PTPRD: variants seen among roughly 807,000 people sequenced by gnomAD.
PTPRD encodes the protein protein tyrosine phosphatase receptor type D, also known as receptor-type tyrosine-protein phosphatase delta.
PTPRD carries 34 observed loss-of-function variants against 214.5 expected under a neutral mutation model. That is an observed-to-expected ratio of 0.16 (90% CI 0.12 to 0.21). The LOEUF is 0.21. Among genes scored for constraint, PTPRD ranks in the 10% least tolerant of loss-of-function variants. The pLI, the probability that PTPRD is intolerant of heterozygous loss-of-function variation, is 1.00. For synonymous variants in PTPRD, 1,128 were observed against 845.7 expected (o/e 1.33, Z -5.79); for missense variants, 2,545 against 2,398.7 (o/e 1.06, Z -1.27).
chr9:9,140,289 T>C (rs1287952028), intron 10 of PTPRD, among the ~76,000 whole-genome samples: 2 of 152,156 alleles, frequency 1.3e-5, no homozygotes, highest in Non-Finnish European at 2.9e-5. Flanking sequence ...ATAGATTACA[T>C]ACACCCCACC....
chr9:8,800,989 C>A (rs1023930938), intron 11 of PTPRD, among the ~76,000 whole-genome samples: 4 of 152,170 alleles, frequency 2.6e-5, no homozygotes, highest in African/African-American at 9.7e-5. Context: ...GGCTATGATA[C>A]AAATACTTAA....
chr9:9,611,917 T>C (rs929144546), intron 7 of PTPRD, among the ~76,000 whole-genome samples: 2 of 152,114 alleles, frequency 1.3e-5, no homozygotes, highest in African/African-American at 4.8e-5. Context: ...TGTAGTAATT[T>C]CATATACATA....
chr9:9,635,721 G>C (rs1171687638), intron 7 of PTPRD, among the ~76,000 whole-genome samples: 2 of 152,170 alleles, frequency 1.3e-5, no homozygotes, highest in Non-Finnish European at 2.9e-5. Flanking sequence ...CAGCGAGCCT[G>C]AAACCCAGAA....
intron 4 of PTPRD, among the ~76,000 whole-genome samples, chr9:10,015,452 A>G (rs1466336825): frequency 2.0e-5 from 3 of 152,150 alleles, no homozygotes; most frequent in African/African-American, 7.2e-5. Flanking sequence ...TTTGAAAGAA[A>G]CCCTTTGGGA....
At chr9:9,144,201 T>C (rs1245240909) in intron 10 of PTPRD, among the ~76,000 whole-genome samples, 2 of 152,226 alleles carry the variant, frequency 1.3e-5, no homozygotes, top group African/African-American at 2.4e-5. Flanking sequence ...TTGCTATTTC[T>C]GCTCTGTGAC....
At chr9:10,287,179 G>A (rs12345848) in intron 3 of PTPRD, among the ~76,000 whole-genome samples, 34,906 of 152,042 alleles carry the variant, frequency 0.23, 4,528 homozygotes, top group African/African-American at 0.36. Context: ...TCCACTTTTG[G>A]ACCAAAGGTA....
At chr9:10,277,234 A>ACAACAT (rs77490376) in intron 3 of PTPRD, among the ~76,000 whole-genome samples, 15 of 138,998 alleles carry the variant, frequency 1.1e-4, no homozygotes, top group Non-Finnish European at 1.8e-4. Flanking sequence ...ACATAAACAT[A>ACAACAT]AAACATAAAC....
chr9:9,505,606 G>A (rs989573580), intron 8 of PTPRD, among the ~76,000 whole-genome samples: 1 of 151,370 alleles, frequency 6.6e-6, no homozygotes, highest in African/African-American at 2.4e-5. Context: ...TCCTTGTCAA[G>A]TCAATGGCCA....
chr9:10,096,582 G>A (rs1024834614), intron 3 of PTPRD, among the ~76,000 whole-genome samples: 7 of 151,712 alleles, frequency 4.6e-5, no homozygotes, highest in Non-Finnish European at 1.0e-4. Context: ...TTTTTGATGG[G>A]GTTTTTTGTT....
chr9:9,693,512 A>G (rs550003492), intron 7 of PTPRD, among the ~76,000 whole-genome samples: 28 of 152,234 alleles, frequency 1.8e-4, no homozygotes, highest in Admixed American at 5.2e-4. Flanking sequence ...TTACTCAGTC[A>G]TGGTCTGTTC....
intron 9 of PTPRD, among the ~76,000 whole-genome samples, chr9:9,323,081 T>C (rs1474480690): frequency 6.6e-6 from 1 of 152,156 alleles, no homozygotes; most frequent in Non-Finnish European, 1.5e-5. Context: ...GTATTTTGAA[T>C]ACCCTAGGGC....
At chr9:9,343,886 A>G (rs2047793009) in intron 9 of PTPRD, among the ~76,000 whole-genome samples, 1 of 152,186 alleles carries the variant, frequency 6.6e-6, no homozygotes, top group Non-Finnish European at 1.5e-5. Flanking sequence ...TTAGGGTCCA[A>G]TACCAATGAG....
At chr9:8,593,327 C>T (rs1171740041) in intron 14 of PTPRD, among the ~76,000 whole-genome samples, 2 of 152,124 alleles carry the variant, frequency 1.3e-5, no homozygotes, top group African/African-American at 2.4e-5. Context: ...TCTATGGTCT[C>T]CCTGGACCAT....
At chr9:10,427,187 T>C (rs1402464672) in intron 2 of PTPRD, among the ~76,000 whole-genome samples, 6 of 152,036 alleles carry the variant, frequency 3.9e-5, no homozygotes, top group Non-Finnish European at 8.8e-5. Context: ...TGACAGCATA[T>C]AAAAACAGGT....
intron 9 of PTPRD, among the ~76,000 whole-genome samples, chr9:9,353,479 G>T (rs1365641269): frequency 6.6e-6 from 1 of 151,768 alleles, no homozygotes; most frequent in Non-Finnish European, 1.5e-5. Context: ...TATTAGAAGG[G>T]CTGGGGCTGG....
At chr9:9,240,837 C>T (rs2099970025) in intron 9 of PTPRD, among the ~76,000 whole-genome samples, 1 of 152,086 alleles carries the variant, frequency 6.6e-6, no homozygotes, top group South Asian at 2.1e-4. Flanking sequence ...TTTCGCTCAT[C>T]AGGTTTCTAA....
At chr9:8,886,124 C>T (rs760034900) in intron 11 of PTPRD, among the ~76,000 whole-genome samples, 11 of 152,018 alleles carry the variant, frequency 7.2e-5, no homozygotes, top group African/African-American at 1.2e-4. Context: ...TGGAAGAAAA[C>T]GAAATGAAAA....
chr9:8,347,829 A>G (rs2074301886), intron 39 of PTPRD, among the ~76,000 whole-genome samples: 1 of 152,126 alleles, frequency 6.6e-6, no homozygotes, highest in Non-Finnish European at 1.5e-5. Context: ...AGTCATCTAA[A>G]AGCCAGGAAG....
chr9:9,175,428 C>G (rs532215223), intron 10 of PTPRD, among the ~76,000 whole-genome samples: 1 of 152,046 alleles, frequency 6.6e-6, no homozygotes, highest in South Asian at 2.1e-4. Flanking sequence ...CGAGACCAGT[C>G]TGGCAAACAC....
Sources: allele counts gnomAD v4.1 joint callset (sites outside exome capture counted in the v4.1 genomes callset), GRCh38; gene constraint gnomAD v4.1.1; transcripts MANE v1.5; gene names NCBI Gene and HGNC (gene_info 2026-07-23, HGNC 2026-07-21).